The following GALNT17 variants were observed in gnomAD, a reference collection of about 807,000 sequenced individuals.
The protein encoded by GALNT17 is UDP-GalNAc:polypeptide N-acetylgalactosaminyltransferase-like 3.
A neutral mutation model predicts 63.7 loss-of-function variants in GALNT17; 29 were observed. The observed-to-expected ratio is 0.46, with a 90% CI of 0.34 to 0.62. The LOEUF is 0.62. Ranked by LOEUF, GALNT17 falls within the 20% of genes least tolerant of loss-of-function variation. The pLI is 0.01. For missense variants in GALNT17, 603 were observed against 799.6 expected (o/e 0.75, Z 2.97); for synonymous variants, 305 against 318.3 (o/e 0.96, Z 0.45).
chr7:71,202,873 A>C (rs1408939634), intron 1 of GALNT17, among the ~76,000 whole-genome samples: 1 of 152,114 alleles, frequency 6.6e-6, no homozygotes, highest in Non-Finnish European at 1.5e-5. Context: ...GCAGTATTTG[A>C]CTTTCTGTAC....
intron 1 of GALNT17, among the ~76,000 whole-genome samples, chr7:71,253,799 A>C (rs958668318): frequency 1.3e-5 from 2 of 152,244 alleles, no homozygotes; most frequent in African/African-American, 4.8e-5. Context: ...CCAAATTCTG[A>C]TTCTAAAACC....
At chr7:71,190,874 G>A (rs1202663) in intron 1 of GALNT17, among the ~76,000 whole-genome samples, 39,025 of 151,796 alleles carry the variant, frequency 0.26, 5,452 homozygotes, top group East Asian at 0.47. Flanking sequence ...CAAATGATCT[G>A]CCTGCCCCAG....
intron 6 of GALNT17, among the ~76,000 whole-genome samples, chr7:71,611,077 C>G (rs1212875854): frequency 1.3e-5 from 2 of 151,948 alleles, no homozygotes; most frequent in Non-Finnish European, 2.9e-5. Context: ...TGCTTCACAT[C>G]CCATTCATCC....
intron 2 of GALNT17, among the ~76,000 whole-genome samples, chr7:71,339,334 G>A (rs905707579): frequency 1.3e-5 from 2 of 152,228 alleles, no homozygotes; most frequent in African/African-American, 4.8e-5. Context: ...TGTGCAGTGA[G>A]GATCTGAGAA....
intron 1 of GALNT17, among the ~76,000 whole-genome samples, chr7:71,321,922 C>CCTTCCCCT (rs1563001220): frequency 7.0e-5 from 2 of 28,436 alleles, no homozygotes; most frequent in African/African-American, 2.9e-4. Context: ...TTCCTTCCTT[C>CCTTCCCCT]CCCTCCCTCC....
At chr7:71,216,497 C>T (rs1025312639) in intron 1 of GALNT17, among the ~76,000 whole-genome samples, 3 of 151,816 alleles carry the variant, frequency 2.0e-5, no homozygotes, top group African/African-American at 7.3e-5. Flanking sequence ...AAGTATACCT[C>T]CTAGGGGGTA....
chr7:71,169,557 A>G (rs1444192774), intron 1 of GALNT17, among the ~76,000 whole-genome samples: 1 of 152,094 alleles, frequency 6.6e-6, no homozygotes, highest in Admixed American at 6.6e-5. Context: ...AGTTTGCTGC[A>G]CTATATTTAT....
At chr7:71,147,629 A>G (rs1306776874) in intron 1 of GALNT17, among the ~76,000 whole-genome samples, 6 of 151,452 alleles carry the variant, frequency 4.0e-5, no homozygotes, top group Admixed American at 6.6e-5. Flanking sequence ...TCCAAGGACC[A>G]TTTCTTTTTT....
chr7:71,584,638 C>G (rs1027703493), intron 6 of GALNT17, among the ~76,000 whole-genome samples: 4 of 152,088 alleles, frequency 2.6e-5, no homozygotes, highest in Admixed American at 6.6e-5. Context: ...TATATTTTCT[C>G]AAAAAAATTT....
chr7:71,388,565 C>T lies in GALNT17; in HGVS notation c.589+164C>T, dbSNP rs527441503. On this transcript the variant is annotated intron_variant, in intron 3 of 10. Transcript: ENST00000333538. ...TTTTTGAGATGGAGTCTTGCTGTGT[C>T]GCCCAGGCTGGAGTGCAGTGGCATG... 6.6e-5 allele frequency among the ~76,000 whole-genome samples: 10 copies of T among 152,050 alleles called. No homozygotes were observed. The South Asian group carries it at 8.3e-4, about 13-fold the overall frequency.
intron 1 of GALNT17, among the ~76,000 whole-genome samples, chr7:71,192,656 A>G (rs1244199191): frequency 6.6e-6 from 1 of 152,214 alleles, no homozygotes; most frequent in Non-Finnish European, 1.5e-5. Context: ...TTGGCCTCCC[A>G]AAGTGCTGGT....
chr7:71,150,870 G>A (rs774358154), intron 1 of GALNT17, among the ~76,000 whole-genome samples: 1 of 151,582 alleles, frequency 6.6e-6, no homozygotes, highest in Non-Finnish European at 1.5e-5. Flanking sequence ...GCCAGGCCCG[G>A]TAGTGTGTGC....
chr7:71,280,050 G>A lies in GALNT17; in HGVS notation c.239-55500G>A, dbSNP rs75478485. Among the ~76,000 whole-genome samples, 223 of 152,124 alleles carry A rather than the reference G, an allele frequency of 1.5e-3. 7 individuals are homozygous for A. The East Asian group carries it at 0.034, about 23-fold the overall frequency. ...CATCTTTTAATTTGTCTGGGTTACT[G>A]GGTTATATGCATGCTTTGTACAAAT... On this transcript the variant is annotated intron_variant, in intron 1 of 10. Coordinates refer to ENST00000333538, the MANE Select transcript of GALNT17 (RefSeq NM_022479.3).
intron 5 of GALNT17, among the ~76,000 whole-genome samples, chr7:71,498,859 C>G (rs1010577290): frequency 6.6e-5 from 10 of 152,154 alleles, no homozygotes; most frequent in African/African-American, 2.2e-4. Flanking sequence ...ATTTAAGGTC[C>G]TTCCTAACTC....
intron 1 of GALNT17, among the ~76,000 whole-genome samples, chr7:71,224,180 G>C (rs908616400): frequency 2.0e-5 from 3 of 152,046 alleles, no homozygotes; most frequent in African/African-American, 7.2e-5. Context: ...TTAGCTTCCT[G>C]AGTAGGGTAG....
chr7:71,631,078 A>G (rs1790447212), intron 6 of GALNT17, among the ~76,000 whole-genome samples: 1 of 152,194 alleles, frequency 6.6e-6, no homozygotes, highest in Non-Finnish European at 1.5e-5. Context: ...ATAAATACAT[A>G]ATTTGGAGAA....
rs1340609516 is a variant in GALNT17, at chr7:71,377,095, A to AT, written c.423-11140_423-11139insT. On this transcript the variant is annotated intron_variant, in intron 2 of 10. Transcript: ENST00000333538. Reference sequence around the variant, plus strand: ...AGCGATATTCCATCTCAAAAAAAAAAAAAAATAAAAATAAAAAAAATATAT... The same window carrying AT: ...AGCGATATTCCATCTCAAAAAAAAAATAAAAATAAAAATAAAAAAAATATAT... Among the ~76,000 whole-genome samples, 21 of 66,536 alleles carry AT rather than the reference A, an allele frequency of 3.2e-4. 4 individuals are homozygous for AT. Among genetic ancestry groups the AT allele is most frequent in the African/African-American group, 1.5e-3 (16 of 10,652 alleles). The allele number at this position is 66,536 out of a possible 152,430, so 43.7% of individuals were successfully genotyped here. A position where few individuals can be genotyped will look rare whatever the true frequency, so the allele number is the denominator to read the frequency against.
At chr7:71,392,786 C>T (rs1272383222) in intron 3 of GALNT17, among the ~76,000 whole-genome samples, 2 of 152,140 alleles carry the variant, frequency 1.3e-5, no homozygotes, top group Non-Finnish European at 2.9e-5. Flanking sequence ...ACATGATCTC[C>T]CTCTTTTCAG....
intron 3 of GALNT17, among the ~76,000 whole-genome samples, chr7:71,409,324 A>C (rs1021311629): frequency 6.6e-6 from 1 of 152,160 alleles, no homozygotes; most frequent in Non-Finnish European, 1.5e-5. Flanking sequence ...GAGCCACCCA[A>C]TATGCACTTA....
Sources: gnomAD v4.1 joint callset for allele counts (sites outside exome capture counted in the v4.1 genomes callset) on GRCh38, gnomAD v4.1.1 for gene constraint, MANE v1.5 for transcripts, NCBI Gene and HGNC (gene_info 2026-07-23, HGNC 2026-07-21) for gene names.